The following QTMAN variants were observed in gnomAD, a reference collection of about 807,000 sequenced individuals.
QTMAN encodes tRNA-queuosine alpha-mannosyltransferase.
the QTMAN span, among the ~76,000 whole-genome samples, chr2:144,254,923 G>A: frequency 2.6e-5 from 4 of 152,236 alleles, no homozygotes; most frequent in African/African-American, 9.6e-5. Context: ...CATGGGGCCT[G>A]TAGCCCCTTT....
chr2:144,130,847 C>T, the QTMAN span, among the ~76,000 whole-genome samples: 1 of 151,800 alleles, frequency 6.6e-6, no homozygotes, highest in Admixed American at 6.6e-5. Flanking sequence ...GGCACTACAC[C>T]ACACTGTCTT....
At chr2:144,230,681 A>T in the QTMAN span, among the ~76,000 whole-genome samples, 2 of 152,206 alleles carry the variant, frequency 1.3e-5, no homozygotes, top group Non-Finnish European at 2.9e-5. Context: ...GCCTAATCAC[A>T]TGGACACAGC....
chr2:143,945,836 C>A, the QTMAN span: 1 of 152,240 alleles, frequency 6.6e-6, no homozygotes, highest in Admixed American at 6.5e-5. Context: ...TTACCTCCTG[C>A]TTTCCAGAAT....
At chr2:144,132,211 T>C in the QTMAN span, among the ~76,000 whole-genome samples, 1 of 151,952 alleles carries the variant, frequency 6.6e-6, no homozygotes, top group Non-Finnish European at 1.5e-5. Flanking sequence ...CAAGGGCATA[T>C]ATAAAACCTC....
At chr2:144,161,890 T>C in the QTMAN span, among the ~76,000 whole-genome samples, 1 of 152,222 alleles carries the variant, frequency 6.6e-6, no homozygotes, top group South Asian at 2.1e-4. Context: ...ATAGATTCTA[T>C]TTATGCAACT....
At chr2:143,999,648 A>T in the QTMAN span, among the ~76,000 whole-genome samples, 6 of 152,026 alleles carry the variant, frequency 3.9e-5, no homozygotes, top group Admixed American at 6.6e-5. Context: ...CTAGCTATCT[A>T]CTTCCCAACT....
the QTMAN span, among the ~76,000 whole-genome samples, chr2:144,309,586 GC>G: frequency 2.0e-5 from 3 of 152,200 alleles, no homozygotes; most frequent in Admixed American, 2.0e-4. Context: ...ATCATTAGTT[GC>G]CTGGAGATGA....
At chr2:144,087,724 G>T in the QTMAN span, among the ~76,000 whole-genome samples, 1 of 152,018 alleles carries the variant, frequency 6.6e-6, no homozygotes, top group Admixed American at 6.6e-5. Context: ...GACAGACGCA[G>T]AAGATACATT....
chr2:144,308,073 T>C, the QTMAN span, among the ~76,000 whole-genome samples: 1 of 151,636 alleles, frequency 6.6e-6, no homozygotes, highest in African/African-American at 2.4e-5. Context: ...CAAGACTTAC[T>C]ACTGAACAAA....
chr2:144,069,101 T>C, the QTMAN span, among the ~76,000 whole-genome samples: 2 of 152,120 alleles, frequency 1.3e-5, no homozygotes, highest in African/African-American at 4.8e-5. Flanking sequence ...ACAGTTTAAG[T>C]ATAGAAATGC....
chr2:144,274,751 A>C, the QTMAN span, among the ~76,000 whole-genome samples: 1 of 152,214 alleles, frequency 6.6e-6, no homozygotes, highest in African/African-American at 2.4e-5. Context: ...CCCAGGAAAC[A>C]TAAGTGTTTC....
chr2:144,076,802 AG>A, the QTMAN span, among the ~76,000 whole-genome samples: 4 of 152,132 alleles, frequency 2.6e-5, no homozygotes, highest in Non-Finnish European at 5.9e-5. Flanking sequence ...CTATCAAGGT[AG>A]GAAGTTTTTT....
chr2:144,160,202 C>G, the QTMAN span, among the ~76,000 whole-genome samples: 1 of 151,910 alleles, frequency 6.6e-6, no homozygotes, highest in Non-Finnish European at 1.5e-5. Flanking sequence ...AATATAAAAT[C>G]AAGGACAGTG....
chr2:144,227,328 A>T, the QTMAN span, among the ~76,000 whole-genome samples: 1 of 152,166 alleles, frequency 6.6e-6, no homozygotes, highest in Non-Finnish European at 1.5e-5. Context: ...CTCATGGAAT[A>T]CCCAGCCCCC....
the QTMAN span, among the ~76,000 whole-genome samples, chr2:143,984,690 T>C: frequency 6.6e-6 from 1 of 152,028 alleles, no homozygotes; most frequent in South Asian, 2.1e-4. Flanking sequence ...GACCCTAAAC[T>C]CAGTGGACAC....
At chr2:144,090,825 T>C in the QTMAN span, among the ~76,000 whole-genome samples, 1 of 152,082 alleles carries the variant, frequency 6.6e-6, no homozygotes, top group Non-Finnish European at 1.5e-5. Context: ...GGGCTTTTTT[T>C]TCCCCTAGGA....
At chr2:144,063,610 T>G in the QTMAN span, among the ~76,000 whole-genome samples, 1 of 152,178 alleles carries the variant, frequency 6.6e-6, no homozygotes, top group Non-Finnish European at 1.5e-5. Flanking sequence ...AGTAGGTCAT[T>G]TTTGCTTTAA....
At chr2:144,071,150 T>C in the QTMAN span, among the ~76,000 whole-genome samples, 2 of 150,692 alleles carry the variant, frequency 1.3e-5, no homozygotes, top group Admixed American at 1.3e-4. Flanking sequence ...TAAAAGGACA[T>C]AAAATGCTTT....
the QTMAN span, among the ~76,000 whole-genome samples, chr2:144,270,961 A>G: frequency 2.0e-5 from 3 of 152,224 alleles, no homozygotes; most frequent in Admixed American, 2.0e-4. Context: ...GATTACTACT[A>G]TTTACTTATA....
Sources: allele counts gnomAD v4.1 joint callset (sites outside exome capture counted in the v4.1 genomes callset), GRCh38; gene constraint gnomAD v4.1.1; transcripts MANE v1.5; gene names NCBI Gene and HGNC (gene_info 2026-07-23, HGNC 2026-07-21).